Variants in ELMO1 observed in about 807,000 individuals in gnomAD.
The protein encoded by ELMO1 is engulfment and cell motility 1, also known as engulfment and cell motility protein 1.
ELMO1 carries 26 observed loss-of-function variants against 98.9 expected under a neutral mutation model. The observed-to-expected ratio is 0.26, with a 90% confidence interval of 0.19 to 0.36. The LOEUF (loss-of-function observed/expected upper bound fraction) is 0.36, where lower values mean the gene tolerates loss of function less well. Ranked by LOEUF, ELMO1 falls within the 10% of genes least tolerant of loss-of-function variation. The probability of loss-of-function intolerance (pLI) is 1.00; values close to 1 mark genes in which losing one functional copy is unlikely to be tolerated. For synonymous variants in ELMO1, 346 were observed against 346.0 expected (o/e 1.00, Z 0.00); for missense variants, 627 against 935.2 (o/e 0.67, Z 4.30).
At chr7:36,884,350 C>T (rs189293604) in intron 18 of ELMO1, among the ~76,000 whole-genome samples, 10 of 151,798 alleles carry the variant, frequency 6.6e-5, no homozygotes, top group African/African-American at 2.2e-4. Flanking sequence ...TGAGGCGCTA[C>T]GAGCTAAAAT....
chr7:37,096,824 T>C, intron 14 of ELMO1, 97 bp from the exon 15 acceptor site: 1 of 1,125,614 alleles, frequency 8.9e-7, no homozygotes, highest in Non-Finnish European at 1.3e-6. Context: ...ATAGATCCAC[T>C]TCAGATCCCC....
At chr7:37,071,163 G>A (rs1021663939) in intron 15 of ELMO1, among the ~76,000 whole-genome samples, 2 of 152,114 alleles carry the variant, frequency 1.3e-5, no homozygotes, top group Non-Finnish European at 2.9e-5. Context: ...ATTATCCCTC[G>A]ATGACTCTGA....
chr7:37,291,363 T>A (rs1423644292), intron 4 of ELMO1, among the ~76,000 whole-genome samples: 16 of 151,996 alleles, frequency 1.1e-4, no homozygotes, highest in Admixed American at 1.0e-3. Context: ...AAAGGACAAA[T>A]CTGATTGATT....
intron 16 of ELMO1, among the ~76,000 whole-genome samples, chr7:36,911,989 T>C (rs947598355): frequency 1.3e-5 from 2 of 152,000 alleles, no homozygotes; most frequent in African/African-American, 4.8e-5. Context: ...CAAACATGAG[T>C]GATGACTGTT....
chr7:36,877,326 G>A (rs1804063346), intron 19 of ELMO1, among the ~76,000 whole-genome samples: 1 of 152,164 alleles, frequency 6.6e-6, no homozygotes, highest in African/African-American at 2.4e-5. Context: ...TCACCCTTGT[G>A]TATTTCAGTG....
At position 36,947,605 on chromosome 7, in the gene ELMO1, T is replaced by A. The variant is rs545950096; in HGVS notation, c.1438-52588A>T. Reference sequence around the variant, plus strand: ...AAGAGTTTTCTTTCCAAAGCACAGATCTGATCATGTCTTTCCTTAGCCTAA... The same window carrying A: ...AAGAGTTTTCTTTCCAAAGCACAGAACTGATCATGTCTTTCCTTAGCCTAA... On this transcript the variant is annotated intron_variant, in intron 16 of 21. Coordinates refer to ENST00000310758, the MANE Select transcript of ELMO1 (RefSeq NM_014800.11). Among the ~76,000 whole-genome samples, 9 of 152,308 alleles carry A rather than the reference T, an allele frequency of 5.9e-5. No individual in the cohort carries two copies. The South Asian group carries it at 1.9e-3, about 32-fold the overall frequency.
rs1283659856 is a variant in ELMO1 at position 36,860,831 on chromosome 7, G to A, written c.1983+828C>T. Among the ~76,000 whole-genome samples, 5 of 152,224 alleles carry A rather than the reference G, an allele frequency of 3.3e-5. No individual in the cohort carries two copies. The East Asian group carries it at 9.6e-4, about 29-fold the overall frequency. On this transcript the variant is annotated intron_variant, in intron 21 of 21. Coordinates refer to ENST00000310758, the MANE Select transcript of ELMO1 (RefSeq NM_014800.11). ...TGTGTCTAATCTTTCCTCTCTCTTTGGGATATACAATTTTATTCAAAAGCT... is the reference window on the plus strand; with the variant it reads ...TGTGTCTAATCTTTCCTCTCTCTTTAGGATATACAATTTTATTCAAAAGCT...
At chr7:37,135,004 A>G (rs942920791) in intron 13 of ELMO1, among the ~76,000 whole-genome samples, 1 of 152,230 alleles carries the variant, frequency 6.6e-6, no homozygotes, top group Non-Finnish European at 1.5e-5. Context: ...CCTCACCACT[A>G]TTCAGTGTAT....
At chr7:37,305,364 A>G (rs1798557041) in intron 4 of ELMO1, among the ~76,000 whole-genome samples, 1 of 152,192 alleles carries the variant, frequency 6.6e-6, no homozygotes, top group Non-Finnish European at 1.5e-5. Flanking sequence ...TTTGTATATT[A>G]TAAGGGACCA....
chr7:37,005,164 C>T (rs958576842), intron 16 of ELMO1, among the ~76,000 whole-genome samples: 4 of 128,208 alleles, frequency 3.1e-5, no homozygotes, highest in African/African-American at 1.1e-4. Flanking sequence ...ACAGGGTCAA[C>T]AAAATCCAAC....
At chr7:36,881,745 C>G (rs1404259234) in intron 18 of ELMO1, among the ~76,000 whole-genome samples, 1 of 152,138 alleles carries the variant, frequency 6.6e-6, no homozygotes, top group African/African-American at 2.4e-5. Context: ...AAGCTATTCC[C>G]AATGTCACAT....
intron 15 of ELMO1, among the ~76,000 whole-genome samples, chr7:37,046,243 T>G (rs1795790096): frequency 1.3e-5 from 2 of 152,242 alleles, no homozygotes; most frequent in Non-Finnish European, 2.9e-5. Flanking sequence ...TATGCACAAT[T>G]TCAATAGACT....
intron 6 of ELMO1, among the ~76,000 whole-genome samples, chr7:37,251,310 G>C (rs1019515063): frequency 2.0e-5 from 3 of 152,018 alleles, no homozygotes; most frequent in Non-Finnish European, 4.4e-5. Flanking sequence ...AGCTGTATTT[G>C]CTTTCACTCC....
intron 13 of ELMO1, among the ~76,000 whole-genome samples, chr7:37,185,886 C>T (rs775644212): frequency 2.0e-5 from 3 of 152,186 alleles, no homozygotes; most frequent in Non-Finnish European, 4.4e-5. Context: ...GATGGCAATG[C>T]TCCTCCTAAA....
intron 1 of ELMO1, among the ~76,000 whole-genome samples, chr7:37,346,843 C>G (rs1489630346): frequency 6.6e-6 from 1 of 152,174 alleles, no homozygotes; most frequent in African/African-American, 2.4e-5. Flanking sequence ...AATCAAAGGC[C>G]AAGCTTGTTT....
chr7:37,040,191 T>C (rs1222745109), intron 15 of ELMO1, among the ~76,000 whole-genome samples: 2 of 152,182 alleles, frequency 1.3e-5, no homozygotes, highest in Non-Finnish European at 2.9e-5. Context: ...TACTGGACAG[T>C]AGTTTTAGAG....
intron 4 of ELMO1, among the ~76,000 whole-genome samples, chr7:37,309,535 T>C (rs917795454): frequency 6.6e-6 from 1 of 152,294 alleles, no homozygotes; most frequent in Middle Eastern, 3.4e-3. Flanking sequence ...GTGACTTCAG[T>C]TGATCAAATC....
chr7:36,939,747 C>T (rs1444326290), intron 16 of ELMO1, among the ~76,000 whole-genome samples: 1 of 152,184 alleles, frequency 6.6e-6, no homozygotes, highest in Admixed American at 6.5e-5. Context: ...AAGGAGAGAG[C>T]AGGAATTGCA....
chr7:37,061,356 A>G lies in ELMO1; in HGVS notation c.1300+35263T>C, dbSNP rs149193947. The stretch of plus-strand genomic sequence containing the variant: ...CAGCCACAAAGTAGAGATCTCCTTA[A>G]TGCAAAAGGCACGTTCTAGAGAGAA... On this transcript the variant is annotated intron_variant, in intron 15 of 21. Transcript: ENST00000310758. Among the ~76,000 whole-genome samples, 345 of 152,316 alleles carry G rather than the reference A, an allele frequency of 2.3e-3. 4 individuals are homozygous for G. Among genetic ancestry groups the G allele is most frequent in the African/African-American group, 8.0e-3 (333 of 41,558 alleles).
Sources: allele counts gnomAD v4.1 joint callset (sites outside exome capture counted in the v4.1 genomes callset), GRCh38; gene constraint gnomAD v4.1.1; transcripts MANE v1.5; gene names NCBI Gene and HGNC (gene_info 2026-07-23, HGNC 2026-07-21).